The following MDN1 variants were observed in gnomAD, a reference collection of about 807,000 sequenced individuals.
MDN1 encodes the protein midasin.
Under a neutral mutation model 669.2 loss-of-function variants are expected in MDN1, and 266 were observed. The ratio of observed to expected loss-of-function variants is 0.40; its 90% confidence interval spans 0.36 to 0.44. The LOEUF (loss-of-function observed/expected upper bound fraction) is 0.44. Ranked by LOEUF, MDN1 falls within the 20% of genes least tolerant of loss-of-function variation. The pLI, the probability that MDN1 is intolerant of heterozygous loss-of-function variation, is 1.00. For missense variants in MDN1, 5,940 were observed against 6,754.0 expected (o/e 0.88, Z 4.22); for synonymous variants, 2,385 against 2,457.1 (o/e 0.97, Z 0.87).
At chr6:89,683,086 C>A (rs750877830) in intron 73 of MDN1, 46 bp downstream of exon 73, 1 of 1,594,588 alleles carries the variant, frequency 6.3e-7, no homozygotes, top group Non-Finnish European at 8.6e-7. Context: ...ACAGATCCCA[C>A]TTGACTGGCT....
In MDN1 at chr6:89,693,007, A is replaced by C. The variant is rs1401001003; in HGVS notation, c.10023T>G (p.Pro3341=). The change falls in exon 63 of 102, where the codon CCT becomes CCG. Residue 3341 remains proline (P), a synonymous_variant. Coordinates refer to ENST00000369393, the MANE Select transcript of MDN1 (RefSeq NM_014611.3). The part of the protein sequence containing the change: ...HHYVTSIAKA[P]AVQDLLTRLL... ...GCCGTGTGAGCAGATCCTGAACAGC[A>C]GGGGCCTTGGCGATGCTGGTGACGT... 2.5e-6 allele frequency: 4 copies of C among 1,614,198 alleles called. No homozygotes were observed. In the South Asian group the frequency reaches 4.4e-5, roughly 18 times the overall value.
chr6:89,805,034 CAAAAAAAAA>C (rs34538984), intron 1 of MDN1, among the ~76,000 whole-genome samples: 11 of 58,518 alleles, frequency 1.9e-4, no homozygotes, highest in Non-Finnish European at 1.2e-4. Context: ...GACTCCGTCT[CAAAAAAAAA>C]AAAAAAAAAA....
At chr6:89,762,745 T>G (rs1817620089) in intron 15 of MDN1, among the ~76,000 whole-genome samples, 1 of 152,176 alleles carries the variant, frequency 6.6e-6, no homozygotes, top group Admixed American at 6.5e-5. Flanking sequence ...AAAACTATTA[T>G]TAGATAAACA....
chr6:89,717,833 T>C (rs1814503583), intron 43 of MDN1, among the ~76,000 whole-genome samples: 1 of 152,206 alleles, frequency 6.6e-6, no homozygotes, highest in Admixed American at 6.5e-5. Context: ...AAATAAAGAA[T>C]GACAAGCATA....
In MDN1 at chr6:89,662,994, C is replaced by G. The variant is rs763899352; in HGVS notation, c.14237-27G>C. 6 of 1,613,256 alleles carry G rather than the reference C, an allele frequency of 3.7e-6. No individual in the cohort carries two copies. The Admixed American group carries it at 1.0e-4, about 27-fold the overall frequency. Reference sequence around the variant, plus strand: ...TGAAAGGGAAGGCACTGAGCTTAGGCAGATCTCCAAACTGACCCAGTCCTG... The same window carrying G: ...TGAAAGGGAAGGCACTGAGCTTAGGGAGATCTCCAAACTGACCCAGTCCTG... On this transcript the variant is annotated intron_variant, in intron 85 of 101. Transcript: ENST00000369393.
At position 89,674,424 on chromosome 6, in the gene MDN1, C is replaced by G; in HGVS notation, c.12927G>C (p.Gln4309His). Residue 4309 changes from glutamine to histidine, a missense_variant, in exon 79 of 102, where the codon CAG becomes CAC. Around this residue, in one of 5 missense-constraint regions of MDN1, gnomAD observed 2,280 missense variants for 2,576.3 expected, o/e 0.88. Transcript: ENST00000369393. ...ILLEQLSWLL[Q>H]CCPSVGPAPG... The stretch of plus-strand genomic sequence containing the variant: ...GAGCTGGCCCTACACTGGGGCAGCA[C>G]TGGAGGAGCCAGGAGAGCTGCTCAA... The G allele has an allele frequency of 6.2e-7, 1 of 1,614,140 alleles. No homozygotes were observed.
At chr6:89,795,625 T>G (rs1337242899) in intron 2 of MDN1, among the ~76,000 whole-genome samples, 7 of 151,812 alleles carry the variant, frequency 4.6e-5, no homozygotes, top group Non-Finnish European at 1.0e-4. Context: ...TTCGCTAGAT[T>G]AAGAAAAAAA....
rs113219479 is a variant in MDN1 at position 89,811,753 on chromosome 6, T to A, written c.102+7753A>T. On this transcript the variant is annotated intron_variant, in intron 1 of 101. Coordinates refer to ENST00000369393, the MANE Select transcript of MDN1 (RefSeq NM_014611.3). ...GCCACCGCAACCAGCCAGGATTTAC[T>A]TCTTAAACCTGTGATTACTCCCATA... is the stretch of plus-strand genomic sequence containing the variant. 5.7e-3 allele frequency among the ~76,000 whole-genome samples: 872 copies of A among 151,938 alleles called. 10 individuals are homozygous for A. The highest frequency in any genetic ancestry group is 0.02 in the African/African-American group (828 of 41,444).
In MDN1 at chr6:89,717,582, T is replaced by C. The variant is rs111884550; in HGVS notation, c.6584-773A>G. ...TCAATGGTGAGTTTTACAATACCCA[T>C]TTAAAAATATATGACACATGACTGC... On this transcript the variant is annotated intron_variant, in intron 43 of 101. Transcript: ENST00000369393. Among the ~76,000 whole-genome samples the C allele has an allele frequency of 7.9e-3, 1,211 of 152,342 alleles. 18 individuals are homozygous for C. The highest frequency in any genetic ancestry group is 0.028 in the African/African-American group (1,162 of 41,566).
Position 89,753,728 on chromosome 6 carries a change from C to A in MDN1, c.2965-106G>T. 5.5e-6 allele frequency: 5 copies of A among 903,858 alleles called. No individual in the cohort carries two copies. In the Admixed American group the frequency reaches 1.0e-4, roughly 18 times the overall value. 56.0% of individuals were successfully genotyped at this position (903,858 alleles called of 1,614,324 possible). A position where few individuals can be genotyped will look rare whatever the true frequency, so the allele number is the denominator to read the frequency against. ...CCTCTTGGGTGATGCTGCTTCCCAACTTTTAAATATAGTAAGGTGGTAGAT... is the reference window on the plus strand; with the variant it reads ...CCTCTTGGGTGATGCTGCTTCCCAAATTTTAAATATAGTAAGGTGGTAGAT... On this transcript the variant is annotated intron_variant, in intron 21 of 101. Transcript: ENST00000369393.
At chr6:89,680,478 T>C in intron 74 of MDN1, 111 bp downstream of exon 74, 1 of 1,314,342 alleles carries the variant, frequency 7.6e-7, no homozygotes, top group Non-Finnish European at 1.0e-6. Flanking sequence ...CAATCAACTG[T>C]TCAACACTAC....
intron 47 of MDN1, 127 bp downstream of exon 47, chr6:89,713,021 C>T: frequency 9.6e-7 from 1 of 1,046,672 alleles, no homozygotes; most frequent in Non-Finnish European, 1.4e-6. Context: ...TACCAGATCT[C>T]TATTAGAGCA....
intron 22 of MDN1, among the ~76,000 whole-genome samples, chr6:89,751,923 G>A (rs958880939): frequency 1.3e-5 from 2 of 151,994 alleles, no homozygotes; most frequent in African/African-American, 4.8e-5. Context: ...CATGTTCCCC[G>A]AAAAAGGGCC....
In MDN1 at chr6:89,672,323, G is replaced by T. The variant is rs1193676975; in HGVS notation, c.13671C>A (p.Leu4557=). The change falls in exon 82 of 102, where the codon CTC becomes CTA. Residue 4557 remains leucine, a synonymous_variant. Coordinates refer to ENST00000369393, the MANE Select transcript of MDN1 (RefSeq NM_014611.3). ...ERLQSGHLTK[L]LEDDFWADVS... is the part of the protein sequence containing the mutation. The stretch of plus-strand genomic sequence containing the variant: ...CATCGGCCCAGAAGTCATCCTCTAA[G>T]AGTTTTGTTAGATGTCCTGATTGCA... 6.2e-7 allele frequency: 1 copy of T among 1,612,530 alleles called. No individual in the cohort carries two copies. Among genetic ancestry groups the T allele is most frequent in the East Asian group, 2.2e-5 (1 of 44,880 alleles).
chr6:89,783,715 C>A (rs548577573), intron 9 of MDN1, among the ~76,000 whole-genome samples: 2 of 152,306 alleles, frequency 1.3e-5, no homozygotes, highest in South Asian at 2.1e-4. Context: ...CACGGTCCTA[C>A]CAATATGTGA....
At chr6:89,696,775 T>C (rs1333478364) in intron 59 of MDN1, among the ~76,000 whole-genome samples, 2 of 152,116 alleles carry the variant, frequency 1.3e-5, no homozygotes, top group African/African-American at 4.8e-5. Context: ...AAATGAGCAA[T>C]GGATGCTTTA....
chr6:89,670,170 A>ATATATATAT (rs1444537561), intron 83 of MDN1, among the ~76,000 whole-genome samples: 13 of 23,404 alleles, frequency 5.6e-4, no homozygotes, highest in African/African-American at 2.0e-3. Context: ...ATATATATAT[A>ATATATATAT]TTTTTTTTTT....
intron 85 of MDN1, among the ~76,000 whole-genome samples, chr6:89,663,391 A>G (rs1237384694): frequency 1.3e-5 from 2 of 152,110 alleles, no homozygotes; most frequent in Non-Finnish European, 1.5e-5. Context: ...AATTGTCTTC[A>G]TTTGTCTTTG....
Position 89,793,965 on chromosome 6 carries a change from G to A in MDN1, c.663-11C>T, listed in dbSNP as rs1819425761. ...GCCTCTTCTAATAACCTGAGAGAAA[G>A]GAGAGTCTCGTCAATTACCTTACCA... On this transcript the variant is annotated splice_polypyrimidine_tract_variant and intron_variant, in intron 4 of 101. Transcript: ENST00000369393. The A allele has an allele frequency of 3.1e-6, 5 of 1,604,194 alleles. No homozygotes were observed. The African/African-American group carries it at 4.0e-5, about 13-fold the overall frequency.
Sources: gnomAD v4.1 joint callset for allele counts (sites outside exome capture counted in the v4.1 genomes callset) on GRCh38, gnomAD v4.1.1 for gene constraint, gnomAD v4.1.1 regional missense constraint, MANE v1.5 for transcripts, NCBI Gene and HGNC (gene_info 2026-07-23, HGNC 2026-07-21) for gene names.